Variants in AXIN1 observed in about 807,000 individuals in gnomAD.
AXIN1 encodes axin 1, also known as axin-1.
Under a neutral mutation model 76.4 loss-of-function variants are expected in AXIN1, and 30 were observed. That is an observed-to-expected ratio of 0.39 (90% confidence interval 0.29 to 0.53). The LOEUF (loss-of-function observed/expected upper bound fraction) is 0.53. Ranked by LOEUF, AXIN1 falls within the 20% of genes least tolerant of loss-of-function variation. The pLI is 0.66. For synonymous variants in AXIN1, 545 were observed against 501.4 expected, an observed-to-expected ratio of 1.09 and a Z score of -1.16; for missense variants, 1,140 against 1,198.8, an observed-to-expected ratio of 0.95 and a Z score of 0.72.
At chr16:340,890 G>A (rs930154409) in intron 2 of AXIN1, among the ~76,000 whole-genome samples, 8 of 152,212 alleles carry the variant, frequency 5.3e-5, no homozygotes, top group Non-Finnish European at 7.3e-5. Flanking sequence ...GCTCACACAC[G>A]GACCAACAAG....
intron 9 of AXIN1, 85 bp downstream of exon 9, chr16:291,105 G>A (rs750688129): frequency 4.8e-5 from 64 of 1,323,358 alleles, no homozygotes; most frequent in African/African-American, 1.2e-4. Context: ...CTCAAGCCCC[G>A]GGACGGCGGC....
chr16:310,242 G>A (rs2141575390), intron 3 of AXIN1, among the ~76,000 whole-genome samples, 173 bp from the exon 4 acceptor site: 1 of 152,318 alleles, frequency 6.6e-6, no homozygotes, highest in Non-Finnish European at 1.5e-5. Flanking sequence ...TGTGTGCACA[G>A]GGGAACATGT....
At chr16:304,201 T>A in intron 5 of AXIN1, 103 bp downstream of exon 5, 1 of 1,584,670 alleles carries the variant, frequency 6.3e-7, no homozygotes, top group African/African-American at 1.3e-5. Flanking sequence ...TCAGCAGGCC[T>A]CGGCCAGCCC....
chr16:323,776 C>CCACACACACACACACA lies in AXIN1; in HGVS notation c.879-9109_879-9094dup, dbSNP rs10673343. Among the ~76,000 whole-genome samples, 569 of 148,390 alleles carry CCACACACACACACACA rather than the reference C, an allele frequency of 3.8e-3. 4 individuals carry two copies. Among genetic ancestry groups the CCACACACACACACACA allele is most frequent in the African/African-American group, 0.013 (538 of 40,242 alleles). ...GCCTGGGCAACAGAGTGAGACTCCACCACACACACACACACACACACACAC... is the reference window on the plus strand; with the variant it reads ...GCCTGGGCAACAGAGTGAGACTCCACCACACACACACACACACACACACACACACACACACACACAC... On this transcript the variant is annotated intron_variant, in intron 2 of 10. Transcript: ENST00000262320.
intron 2 of AXIN1, among the ~76,000 whole-genome samples, chr16:342,663 C>G (rs560367931): frequency 6.6e-6 from 1 of 152,220 alleles, no homozygotes; most frequent in African/African-American, 2.4e-5. Flanking sequence ...CTGAGACAGA[C>G]GGGACACAGC....
chr16:297,121 C>A lies in AXIN1; in HGVS notation c.1890G>T (p.Gln630His). 3.1e-6 allele frequency: 5 copies of A among 1,612,912 alleles called. No individual in the cohort carries two copies. The highest frequency in any genetic ancestry group is 4.2e-6 in the Non-Finnish European group (5 of 1,179,946). ...PGASEDAEKN[Q>H]KIMQWIIEGE... ...CCTCAATGATCCACTGCATGATTTT[C>A]TGGTTCTTCTCCGCATCCTCCGAGG... The change falls in exon 7 of 11, where the codon CAG becomes CAT. Residue 630 changes from glutamine to histidine, a missense_variant. Physicochemically the swap from Gln to His is conservative, Grantham distance 24. Around this residue, in one of 3 missense-constraint regions of AXIN1, gnomAD observed 429 missense variants for 405.8 expected, o/e 1.06. Coordinates refer to ENST00000262320, the MANE Select transcript of AXIN1 (RefSeq NM_003502.4).
intron 2 of AXIN1, among the ~76,000 whole-genome samples, chr16:334,174 ACCAATAACAGCAC>A: frequency 7.6e-6 from 1 of 130,954 alleles, no homozygotes; most frequent in Non-Finnish European, 1.6e-5. Flanking sequence ...ACCATGGCAC[ACCAATAACAGCAC>A]CCAGTACCAT....
In AXIN1 at chr16:314,571, C is replaced by G; in HGVS notation, c.991G>C (p.Asp331His). Residue 331 changes from aspartate to histidine, a missense_variant, in exon 3 of 11, where the codon GAC becomes CAC. Asp to His is a moderately conservative substitution (Grantham distance 81). Transcript: ENST00000262320. ...CTGCTGTCCGTGAGGGACAGGGTGT[C>G]TGCATCGCTGGACAGGCTCTGCTGC... is the stretch of plus-strand genomic sequence containing the variant. ...SEQQSLSSDADTLSLTDSSVD... is the reference protein window; with the variant it reads ...SEQQSLSSDAHTLSLTDSSVD... 1.9e-6 allele frequency: 3 copies of G among 1,613,902 alleles called. No homozygotes were observed. Among genetic ancestry groups the G allele is most frequent in the Non-Finnish European group, 2.5e-6 (3 of 1,179,924 alleles).
chr16:346,641 G>C lies in AXIN1; in HGVS notation c.385C>G (p.Pro129Ala), dbSNP rs1297530447. 1 of 1,580,392 alleles carries C rather than the reference G, an allele frequency of 6.3e-7. No homozygotes were observed. The highest frequency in any genetic ancestry group is 8.6e-7 in the Non-Finnish European group (1 of 1,163,720). The change falls in exon 2 of 11, where the codon CCC becomes GCC. Residue 129 changes from proline to alanine, a missense_variant. Pro to Ala is a conservative substitution (Grantham distance 27). This residue lies in a region of AXIN1 where 708 missense variants were observed against 776.9 expected (regional missense o/e 0.91). Coordinates refer to ENST00000262320, the MANE Select transcript of AXIN1 (RefSeq NM_003502.4). ...CTCTTCTCCTCGTTCGAGTCACAGG[G>C]CTCCAGCTTCCTGAAGCCAGTGCAG... ...FACTGFRKLE[P>A]CDSNEEKRLK...
At chr16:334,018 A>G (rs555588049) in intron 2 of AXIN1, among the ~76,000 whole-genome samples, 1 of 146,624 alleles carries the variant, frequency 6.8e-6, no homozygotes, top group African/African-American at 2.6e-5. Flanking sequence ...ATAACACAGC[A>G]CGCAGTACCA....
intron 9 of AXIN1, chr16:290,627 C>G (rs1307705493): frequency 5.5e-6 from 1 of 182,782 alleles, no homozygotes; most frequent in South Asian, 1.2e-4. Context: ...ACCTTGAGCA[C>G]ATAAAGGCGC....
chr16:289,946 C>T (rs146754625), intron 9 of AXIN1: 238 of 449,838 alleles, frequency 5.3e-4, no homozygotes, highest in African/African-American at 4.2e-3. Flanking sequence ...GGAAGACCTA[C>T]GGCCCCCAAA....
chr16:320,721 G>GTATA (rs1363646713), intron 2 of AXIN1, among the ~76,000 whole-genome samples: 23 of 120,138 alleles, frequency 1.9e-4, no homozygotes, highest in African/African-American at 6.4e-4. Flanking sequence ...ATGCGTGTGT[G>GTATA]TGTATATATA....
chr16:326,699 C>T (rs1044716024), intron 2 of AXIN1, among the ~76,000 whole-genome samples: 7 of 149,550 alleles, frequency 4.7e-5, no homozygotes, highest in Admixed American at 1.3e-4. Flanking sequence ...TGAGCGAGAT[C>T]GCGCCACTGC....
rs2141574397 is a variant in AXIN1, at chr16:310,077, G to A, written c.1020-8C>T. On this transcript the variant is annotated splice_region_variant and splice_polypyrimidine_tract_variant and intron_variant, in intron 3 of 10. Transcript: ENST00000262320. ...TATGGGGGGATCCCATCCCTGTCCA[G>A]GAGAAAGAGGCAGCCGTTAACTCAG... The A allele has an allele frequency of 6.2e-7, 1 of 1,604,860 alleles. No individual in the cohort carries two copies. The highest frequency in any genetic ancestry group is 1.1e-5 in the South Asian group (1 of 89,770).
In AXIN1 at chr16:297,844, G is replaced by C. The variant is rs775477536; in HGVS notation, c.1662C>G (p.Ala554=). The change falls in exon 6 of 11, where the codon GCC becomes GCG. Residue 554 remains alanine, a synonymous_variant. Coordinates refer to ENST00000262320, the MANE Select transcript of AXIN1 (RefSeq NM_003502.4). ...CGAAGCTGCTCTGGGCCCTGCGGGT[G>C]GCCTCGGCCTCCACCTGCTCCTTGG... The part of the protein sequence containing the change: ...ARPKEQVEAE[A]TRRAQSSFAW... The C allele has an allele frequency of 1.0e-5, 16 of 1,576,634 alleles. No individual in the cohort carries two copies. Among genetic ancestry groups the C allele is most frequent in the Non-Finnish European group, 1.3e-5 (15 of 1,160,298 alleles).
chr16:337,730 C>G (rs998066995), intron 2 of AXIN1, among the ~76,000 whole-genome samples: 1 of 152,186 alleles, frequency 6.6e-6, no homozygotes, highest in African/African-American at 2.4e-5. Context: ...GCCCGTGGGC[C>G]GAGGCTGCAA....
chr16:341,705 C>A (rs1366348087), intron 2 of AXIN1, among the ~76,000 whole-genome samples: 4 of 152,276 alleles, frequency 2.6e-5, no homozygotes, highest in Non-Finnish European at 5.9e-5. Flanking sequence ...CAGCTGGGCT[C>A]CTGATTCTGG....
At chr16:334,051 C>A (rs2053748853) in intron 2 of AXIN1, among the ~76,000 whole-genome samples, 1 of 151,634 alleles carries the variant, frequency 6.6e-6, no homozygotes, top group East Asian at 1.9e-4. Flanking sequence ...CCATAGCATG[C>A]CCATAACACA....
Sources: gnomAD v4.1 joint callset for allele counts (sites outside exome capture counted in the v4.1 genomes callset) on GRCh38, gnomAD v4.1.1 for gene constraint, gnomAD v4.1.1 regional missense constraint, MANE v1.5 for transcripts, NCBI Gene and HGNC (gene_info 2026-07-23, HGNC 2026-07-21) for gene names.